PREX1: variants seen among roughly 807,000 people sequenced by gnomAD.
PREX1 encodes phosphatidylinositol-3,4,5-trisphosphate dependent Rac exchange factor 1.
Under a neutral mutation model 198.3 loss-of-function variants are expected in PREX1, and 41 were observed. The observed-to-expected ratio is 0.21, with a 90% CI of 0.16 to 0.27. The LOEUF (loss-of-function observed/expected upper bound fraction) is 0.27, where lower values mean the gene tolerates loss of function less well. PREX1 is among the 10% of genes least tolerant of loss of function. PREX1 has a pLI of 1.00. For synonymous variants in PREX1, 843 were observed against 887.2 expected, an observed-to-expected ratio of 0.95 and a Z score of 0.89; for missense variants, 1,620 against 2,200.7, an observed-to-expected ratio of 0.74 and a Z score of 5.28.
At position 48,773,394 on chromosome 20, in the gene PREX1, C is replaced by G. The variant is rs11906621; in HGVS notation, c.220-25514G>C. ...AGGCACCTCTGGCCTCCAAGTGCCC[C>G]ACACTAGCCCCTTTCCTGATCACCG... On this transcript the variant is annotated intron_variant, in intron 1 of 39. Coordinates refer to ENST00000371941, the MANE Select transcript of PREX1 (RefSeq NM_020820.4). Among the ~76,000 whole-genome samples the G allele has an allele frequency of 2.4e-3, 369 of 152,322 alleles. 3 individuals carry two copies. Among genetic ancestry groups the G allele is most frequent in the African/African-American group, 8.5e-3 (354 of 41,570 alleles).
chr20:48,720,344 G>A (rs2089979582), intron 5 of PREX1, among the ~76,000 whole-genome samples: 1 of 152,142 alleles, frequency 6.6e-6, no homozygotes. Flanking sequence ...CCCCCAAGAA[G>A]AATGTCCGTT....
At chr20:48,730,174 G>T (rs1439355985) in intron 4 of PREX1, among the ~76,000 whole-genome samples, 1 of 151,948 alleles carries the variant, frequency 6.6e-6, no homozygotes, top group Non-Finnish European at 1.5e-5. Context: ...TGTGGCAATT[G>T]TCCCGGTCCC....
At chr20:48,828,238 C>T (rs1413647067), upstream of PREX1, among the ~76,000 whole-genome samples, 3 of 151,452 alleles carry the variant, frequency 2.0e-5, no homozygotes, top group Non-Finnish European at 3.0e-5. Flanking sequence ...CGGGAGCCTC[C>T]GGAAGGGCCC....
At chr20:48,722,063 C>G (rs2089988724) in intron 5 of PREX1, among the ~76,000 whole-genome samples, 1 of 152,128 alleles carries the variant, frequency 6.6e-6, no homozygotes, top group Non-Finnish European at 1.5e-5. Flanking sequence ...GGCCGGAAGA[C>G]AAGCCCAGGG....
intron 35 of PREX1, among the ~76,000 whole-genome samples, chr20:48,631,933 G>C (rs11699175): frequency 0.078 from 11,811 of 152,188 alleles, 528 homozygotes; most frequent in South Asian, 0.13. Context: ...CCCTGTCCTA[G>C]CTCCCACCCT....
rs559126147 is a variant in PREX1, at chr20:48,712,297, A to G, written c.622-3876T>C. Among the ~76,000 whole-genome samples the G allele has an allele frequency of 5.9e-5, 9 of 152,316 alleles. No individual in the cohort carries two copies. The South Asian group carries it at 1.9e-3, about 32-fold the overall frequency. Reference sequence around the variant, plus strand: ...CCCTACCCAAGGGCACGGACAGCTAAGCGGCTACACGGTCCAGCTCCAGAG... The same window carrying G: ...CCCTACCCAAGGGCACGGACAGCTAGGCGGCTACACGGTCCAGCTCCAGAG... On this transcript the variant is annotated intron_variant, in intron 5 of 39. Transcript: ENST00000371941.
the PREX1 span, among the ~76,000 whole-genome samples, chr20:48,862,211 C>A: frequency 6.6e-6 from 1 of 151,190 alleles, no homozygotes; most frequent in African/African-American, 2.4e-5. Flanking sequence ...TCTGTCTCAA[C>A]AAAAGAAAAA....
chr20:48,758,175 C>T (rs1319492914), intron 1 of PREX1, among the ~76,000 whole-genome samples: 1 of 152,182 alleles, frequency 6.6e-6, no homozygotes, highest in Admixed American at 6.5e-5. Context: ...AGCAAGTTAC[C>T]ACCATGAGGC....
In PREX1 at chr20:48,681,291, G is replaced by A. The variant is rs200386126; in HGVS notation, c.1379C>T (p.Thr460Met). 53 of 1,614,166 alleles carry A rather than the reference G, an allele frequency of 3.3e-5. No individual in the cohort carries two copies. Among genetic ancestry groups the A allele is most frequent in the Admixed American group, 1.0e-4 (6 of 60,024 alleles). ...TTGGCCCAAGTTGACTCCTTCTTCCGTCTTGCTGATTTCACCAATTTCTAG... is the reference window on the plus strand; with the variant it reads ...TTGGCCCAAGTTGACTCCTTCTTCCATCTTGCTGATTTCACCAATTTCTAG... ...WLLEIGEISKTEEGVNLGQAL... is the reference protein window; with the variant it reads ...WLLEIGEISKMEEGVNLGQAL... Residue 460 changes from threonine to methionine, a missense_variant, in exon 11 of 40, where the codon ACG becomes ATG. This residue lies in a region of PREX1 where 488 missense variants were observed against 802.5 expected (regional missense o/e 0.61). Transcript: ENST00000371941.
chr20:48,770,572 T>C (rs967060334), intron 1 of PREX1, among the ~76,000 whole-genome samples: 1 of 152,010 alleles, frequency 6.6e-6, no homozygotes, highest in Non-Finnish European at 1.5e-5. Context: ...TAGCCAGACA[T>C]GGTGGTGCAT....
At chr20:48,660,549 C>T (rs776969148) in intron 15 of PREX1, among the ~76,000 whole-genome samples, 1 of 152,182 alleles carries the variant, frequency 6.6e-6, no homozygotes, top group Non-Finnish European at 1.5e-5. Flanking sequence ...TAAAGACCTA[C>T]GTATGAACAG....
At chr20:48,697,117 A>G (rs2089850799) in intron 7 of PREX1, among the ~76,000 whole-genome samples, 1 of 152,312 alleles carries the variant, frequency 6.6e-6, no homozygotes, top group Non-Finnish European at 1.5e-5. Context: ...GCCCCTTTAG[A>G]CACAATTTAA....
chr20:48,773,903 T>A (rs2090248964), intron 1 of PREX1, among the ~76,000 whole-genome samples: 2 of 152,126 alleles, frequency 1.3e-5, no homozygotes, highest in African/African-American at 2.4e-5. Flanking sequence ...TCTCCTGCAA[T>A]CGTCCAGGCG....
chr20:48,785,875 C>T (rs1335937142), intron 1 of PREX1, among the ~76,000 whole-genome samples: 12 of 152,186 alleles, frequency 7.9e-5, no homozygotes, highest in Admixed American at 7.2e-4. Context: ...ACGGAGGGCA[C>T]AGGAAGACAG....
the PREX1 span, among the ~76,000 whole-genome samples, chr20:48,833,816 G>A: frequency 1.3e-5 from 2 of 152,140 alleles, no homozygotes; most frequent in African/African-American, 4.8e-5. Context: ...GGGCGCGGTG[G>A]CTCACACCTG....
chr20:48,725,217 G>T (rs1472682935), intron 5 of PREX1, among the ~76,000 whole-genome samples: 1 of 152,222 alleles, frequency 6.6e-6, no homozygotes, highest in East Asian at 1.9e-4. Flanking sequence ...GTGAGCAGGT[G>T]CGTGAATGAG....
the PREX1 span, among the ~76,000 whole-genome samples, chr20:48,877,406 TCAG>T: frequency 1.3e-5 from 2 of 152,222 alleles, no homozygotes; most frequent in African/African-American, 2.4e-5. Flanking sequence ...TTCTTTTCCC[TCAG>T]CACTTTTTTC....
At chr20:48,793,070 T>C (rs1469142252) in intron 1 of PREX1, among the ~76,000 whole-genome samples, 1 of 151,952 alleles carries the variant, frequency 6.6e-6, no homozygotes, top group Non-Finnish European at 1.5e-5. Context: ...CCTGACATGG[T>C]GGTATGCGCC....
At chr20:48,814,594 A>G (rs1341503175) in intron 1 of PREX1, among the ~76,000 whole-genome samples, 6 of 152,190 alleles carry the variant, frequency 3.9e-5, no homozygotes, top group African/African-American at 7.2e-5. Context: ...CAGAATGAAC[A>G]AGGCGGGGAG....
Sources: gnomAD v4.1 joint callset for allele counts (sites outside exome capture counted in the v4.1 genomes callset) on GRCh38, gnomAD v4.1.1 for gene constraint, gnomAD v4.1.1 regional missense constraint, MANE v1.5 for transcripts, NCBI Gene and HGNC (gene_info 2026-07-23, HGNC 2026-07-21) for gene names.